Variants in CA10 observed in about 807,000 individuals in gnomAD.
The protein encoded by CA10 is carbonic anhydrase 10 (inactive).
A neutral mutation model predicts 44.2 loss-of-function variants in CA10; 14 were observed. The observed-to-expected ratio is 0.32, with a 90% confidence interval of 0.21 to 0.50. The LOEUF (loss-of-function observed/expected upper bound fraction) is 0.50. Ranked by LOEUF, CA10 falls within the 20% of genes least tolerant of loss-of-function variation. The pLI is 0.99. For missense variants in CA10, 350 were observed against 409.7 expected (o/e 0.85, Z 1.26); for synonymous variants, 159 against 141.6 (o/e 1.12, Z -0.87).
At chr17:51,820,032 A>G (rs1235066140) in intron 3 of CA10, among the ~76,000 whole-genome samples, 2 of 151,938 alleles carry the variant, frequency 1.3e-5, no homozygotes, top group African/African-American at 4.8e-5. Context: ...TCACTTAATC[A>G]TTATAAGAAC....
intron 1 of CA10, among the ~76,000 whole-genome samples, chr17:52,120,691 C>A (rs1191705034): frequency 6.6e-6 from 1 of 152,108 alleles, no homozygotes; most frequent in African/African-American, 2.4e-5. Context: ...GGACTGGTGG[C>A]CCATGTGCAC....
At chr17:51,913,941 AG>A (rs528340697) in intron 3 of CA10, among the ~76,000 whole-genome samples, 40 of 152,250 alleles carry the variant, frequency 2.6e-4, no homozygotes, top group African/African-American at 9.6e-4. Context: ...CAGAGAACTG[AG>A]GGCAGCCTGA....
intron 2 of CA10, among the ~76,000 whole-genome samples, chr17:51,935,186 G>GT (rs1982817215): frequency 6.6e-6 from 1 of 152,226 alleles, no homozygotes. Context: ...GCAAAAGTGG[G>GT]TTATATAATG....
intron 3 of CA10, among the ~76,000 whole-genome samples, chr17:51,786,038 A>G (rs1906258373): frequency 6.6e-6 from 1 of 152,184 alleles, no homozygotes. Context: ...CTTATTTGGT[A>G]TTTAAATTCC....
At chr17:52,101,830 A>G (rs1330702251) in intron 1 of CA10, among the ~76,000 whole-genome samples, 2 of 152,162 alleles carry the variant, frequency 1.3e-5, no homozygotes, top group Non-Finnish European at 2.9e-5. Context: ...AAACATATAT[A>G]GCATAGGGTT....
chr17:52,155,900 C>T (rs776678113), intron 1 of CA10, among the ~76,000 whole-genome samples: 2 of 152,178 alleles, frequency 1.3e-5, no homozygotes, highest in Non-Finnish European at 2.9e-5. Flanking sequence ...AATTTAGTTG[C>T]TGATACACCA....
intron 4 of CA10, among the ~76,000 whole-genome samples, chr17:51,719,770 T>C (rs897387625): frequency 2.0e-5 from 3 of 152,116 alleles, no homozygotes; most frequent in Non-Finnish European, 4.4e-5. Flanking sequence ...GAGCCTGTAA[T>C]CCCAGCTACT....
intron 4 of CA10, among the ~76,000 whole-genome samples, chr17:51,670,935 C>T (rs1376568888): frequency 6.6e-6 from 1 of 152,120 alleles, no homozygotes; most frequent in Non-Finnish European, 1.5e-5. Flanking sequence ...ACTAAGTTAT[C>T]TGGCCTCTAA....
chr17:51,853,033 T>C (rs1458877151), intron 3 of CA10, among the ~76,000 whole-genome samples: 1 of 152,154 alleles, frequency 6.6e-6, no homozygotes. Flanking sequence ...TAGGGGGGCT[T>C]TATCATATGT....
At chr17:51,989,879 C>A (rs203031) in intron 2 of CA10, among the ~76,000 whole-genome samples, 73,957 of 151,982 alleles carry the variant, frequency 0.49, 18,475 homozygotes, top group African/African-American at 0.56. Flanking sequence ...CTCCAAAAAG[C>A]AATTATTATG....
At chr17:52,001,176 C>G (rs74896598) in intron 2 of CA10, among the ~76,000 whole-genome samples, 1 of 151,820 alleles carries the variant, frequency 6.6e-6, no homozygotes, top group African/African-American at 2.4e-5. Flanking sequence ...TTCTGTGTGG[C>G]CTATGAGGTA....
intron 2 of CA10, among the ~76,000 whole-genome samples, chr17:51,940,868 A>G (rs1278930591): frequency 6.6e-6 from 1 of 152,082 alleles, no homozygotes; most frequent in Non-Finnish European, 1.5e-5. Flanking sequence ...GGGTCATAAG[A>G]GGACACACTT....
chr17:51,936,274 T>C (rs1416412791), intron 2 of CA10, among the ~76,000 whole-genome samples: 2 of 152,086 alleles, frequency 1.3e-5, no homozygotes, highest in South Asian at 2.1e-4. Flanking sequence ...TGCAGGCTAG[T>C]GGGAAATATG....
intron 2 of CA10, among the ~76,000 whole-genome samples, chr17:52,006,963 T>G (rs1985621607): frequency 6.6e-6 from 1 of 151,752 alleles, no homozygotes; most frequent in Non-Finnish European, 1.5e-5. Flanking sequence ...ATTTTTTGAT[T>G]GTTGTTAAAG....
chr17:52,131,105 TTA>T (rs1989228602), intron 1 of CA10, among the ~76,000 whole-genome samples: 1 of 145,904 alleles, frequency 6.9e-6, no homozygotes, highest in Admixed American at 7.0e-5. Context: ...TATTTTTATT[TTA>T]TTTTTTTTTA....
intron 2 of CA10, among the ~76,000 whole-genome samples, chr17:52,059,478 A>C (rs181412331): frequency 6.6e-6 from 1 of 152,108 alleles, no homozygotes; most frequent in Non-Finnish European, 1.5e-5. Context: ...GATAACAAAA[A>C]GTCCGGGGGC....
chr17:51,970,179 G>C (rs1984230326), intron 2 of CA10, among the ~76,000 whole-genome samples: 1 of 152,062 alleles, frequency 6.6e-6, no homozygotes, highest in African/African-American at 2.4e-5. Flanking sequence ...CCCAAGCTAA[G>C]TCTTTACTTC....
intron 4 of CA10, among the ~76,000 whole-genome samples, chr17:51,704,892 G>A (rs1915714578): frequency 6.6e-6 from 1 of 151,854 alleles, no homozygotes; most frequent in South Asian, 2.1e-4. Context: ...GAAGCTGGGA[G>A]GTGGAGGTGG....
chr17:51,804,957 A>C (rs1907072635), intron 3 of CA10, among the ~76,000 whole-genome samples: 1 of 152,224 alleles, frequency 6.6e-6, no homozygotes, highest in African/African-American at 2.4e-5. Context: ...AGGGAGAGAC[A>C]GTACTTTTCC....
Sources: allele counts gnomAD v4.1 joint callset (sites outside exome capture counted in the v4.1 genomes callset), GRCh38; gene constraint gnomAD v4.1.1; transcripts MANE v1.5; gene names NCBI Gene and HGNC (gene_info 2026-07-23, HGNC 2026-07-21).